COG6: variants seen among roughly 807,000 people sequenced by gnomAD.
COG6 encodes the protein component of oligomeric golgi complex 6, also known as conserved oligomeric Golgi complex subunit 6.
A neutral mutation model predicts 88.8 loss-of-function variants in COG6; 74 were observed. That is an observed-to-expected ratio of 0.83 (90% CI 0.69 to 1.01). The LOEUF (loss-of-function observed/expected upper bound fraction) is 1.01. Among genes scored for constraint, COG6 ranks in the 50% least tolerant of loss-of-function variants. COG6 has a pLI of 0.00. For missense variants in COG6, 800 were observed against 797.9 expected, an observed-to-expected ratio of 1.00 and a Z score of -0.03; for synonymous variants, 286 against 278.7, an observed-to-expected ratio of 1.03 and a Z score of -0.26.
intron 4 of COG6, among the ~76,000 whole-genome samples, chr13:39,665,554 T>G (rs1439684103): frequency 6.6e-6 from 1 of 152,238 alleles, no homozygotes; most frequent in Non-Finnish European, 1.5e-5. Flanking sequence ...TAAATTCTCC[T>G]TGTAGTTTAT....
chr13:39,730,280 A>G (rs1218237282), intron 18 of COG6, among the ~76,000 whole-genome samples: 2 of 152,102 alleles, frequency 1.3e-5, no homozygotes, highest in African/African-American at 4.8e-5. Flanking sequence ...AGAGTTTGAA[A>G]TTTCTTAGTA....
At chr13:39,763,784 CCTTTTTATATAT>C (rs1881090306) in intron 18 of COG6, among the ~76,000 whole-genome samples, 1 of 151,660 alleles carries the variant, frequency 6.6e-6, no homozygotes, top group Non-Finnish European at 1.5e-5. Flanking sequence ...AATGTACTAT[CCTTTTTATATAT>C]CTTTTTATTT....
chr13:39,764,663 T>C (rs546523671), intron 18 of COG6, among the ~76,000 whole-genome samples: 13 of 152,200 alleles, frequency 8.5e-5, no homozygotes, highest in African/African-American at 3.1e-4. Flanking sequence ...TTCAAACATA[T>C]GAATGTTTTC....
intron 8 of COG6, 132 bp downstream of exon 8, chr13:39,682,396 A>G (rs1183487634): frequency 1.6e-6 from 1 of 639,682 alleles, no homozygotes; most frequent in Admixed American, 2.7e-5. Context: ...AATACTGTTC[A>G]CCTTAACTTG....
intron 11 of COG6, among the ~76,000 whole-genome samples, chr13:39,690,244 G>A (rs925339883): frequency 2.0e-5 from 3 of 152,002 alleles, no homozygotes; most frequent in Non-Finnish European, 2.9e-5. Context: ...AAAATAATGT[G>A]TATTGGTATT....
intron 5 of COG6, chr13:39,678,137 G>A (rs534708107): frequency 4.7e-6 from 2 of 425,458 alleles, no homozygotes; most frequent in Non-Finnish European, 9.3e-6. Context: ...CACGAACACA[G>A]CTCACTGCAG....
intron 18 of COG6, among the ~76,000 whole-genome samples, chr13:39,739,165 A>T (rs1346803417): frequency 6.6e-6 from 1 of 152,168 alleles, no homozygotes; most frequent in African/African-American, 2.4e-5. Flanking sequence ...GAACGTAAGA[A>T]CTCAAACTAG....
At chr13:39,737,013 T>G (rs1879785034) in intron 18 of COG6, among the ~76,000 whole-genome samples, 1 of 152,246 alleles carries the variant, frequency 6.6e-6, no homozygotes. Context: ...CTTTGGTCAC[T>G]GCAGCCATAT....
intron 4 of COG6, among the ~76,000 whole-genome samples, chr13:39,674,225 C>T (rs996463867): frequency 1.3e-5 from 2 of 150,142 alleles, no homozygotes; most frequent in East Asian, 2.0e-4. Context: ...CCCTACCCCA[C>T]GACAGGCCCC....
intron 4 of COG6, among the ~76,000 whole-genome samples, chr13:39,673,963 T>C (rs1875806224): frequency 6.6e-6 from 1 of 152,034 alleles, no homozygotes; most frequent in Non-Finnish European, 1.5e-5. Context: ...ATTCTGTCTA[T>C]TTTATTAAAC....
In COG6 at chr13:39,719,382, C is replaced by T; in HGVS notation, c.1416+15C>T. 2 of 1,609,638 alleles carry T rather than the reference C, an allele frequency of 1.2e-6. No homozygotes were observed. The highest frequency in any genetic ancestry group is 2.2e-5 in the South Asian group (2 of 90,700). On this transcript the variant is annotated intron_variant, in intron 14 of 18. Transcript: ENST00000455146. ...ATTTTGTGCAGGTATGTTATAAATTCATTTTTAATGATTGTTTTTTGCTCT... is the reference window on the plus strand; with the variant it reads ...ATTTTGTGCAGGTATGTTATAAATTTATTTTTAATGATTGTTTTTTGCTCT...
chr13:39,676,160 C>T (rs959519539), intron 4 of COG6, among the ~76,000 whole-genome samples: 1 of 151,944 alleles, frequency 6.6e-6, no homozygotes, highest in African/African-American at 2.4e-5. Context: ...ACTCGTTGAC[C>T]AATCTCTTCC....
At chr13:39,659,742 T>A (rs1874777006) in intron 2 of COG6, among the ~76,000 whole-genome samples, 1 of 152,222 alleles carries the variant, frequency 6.6e-6, no homozygotes, top group Non-Finnish European at 1.5e-5. Flanking sequence ...TTCTAGAAGA[T>A]TATCTTAGGA....
At position 39,658,507 on chromosome 13, in the gene COG6, G is replaced by T. The variant is rs1246885596; in HGVS notation, c.154-857G>T. On this transcript the variant is annotated intron_variant, in intron 1 of 18. Transcript: ENST00000455146. ...GTCTAAGCCACTATCAAACCATACT[G>T]GGATTATTTTTGTTTTTTCTCTTAC... is the stretch of plus-strand genomic sequence containing the variant. 2.0e-5 allele frequency among the ~76,000 whole-genome samples: 3 copies of T among 151,944 alleles called. No individual in the cohort carries two copies. In the East Asian group the frequency reaches 5.8e-4, roughly 29 times the overall value.
At chr13:39,776,510 T>C (rs561092311) in intron 18 of COG6, among the ~76,000 whole-genome samples, 1 of 152,368 alleles carries the variant, frequency 6.6e-6, no homozygotes, top group South Asian at 2.1e-4. Context: ...TCCCCTTGCC[T>C]GGTAACGTTA....
intron 18 of COG6, among the ~76,000 whole-genome samples, chr13:39,734,941 C>T (rs536797481): frequency 6.6e-6 from 1 of 151,842 alleles, no homozygotes; most frequent in South Asian, 2.1e-4. Context: ...TGTTTGTTTC[C>T]ACTGGCATGG....
At chr13:39,786,789 A>G (rs1185872562) in intron 18 of COG6, among the ~76,000 whole-genome samples, 1 of 152,172 alleles carries the variant, frequency 6.6e-6, no homozygotes, top group East Asian at 1.9e-4. Context: ...GCTGAAATGA[A>G]GCAAAACTTT....
intron 18 of COG6, among the ~76,000 whole-genome samples, chr13:39,769,520 G>A (rs540787406): frequency 2.9e-4 from 44 of 152,316 alleles, no homozygotes; most frequent in Middle Eastern, 3.4e-3. Context: ...GGTTTATTGT[G>A]AGAACTAAAA....
intron 12 of COG6, among the ~76,000 whole-genome samples, chr13:39,697,341 C>T (rs983615000): frequency 2.0e-5 from 3 of 149,034 alleles, no homozygotes; most frequent in African/African-American, 4.9e-5. Flanking sequence ...AGAGGAGAAA[C>T]GACAAAACTG....
Sources: allele counts gnomAD v4.1 joint callset (sites outside exome capture counted in the v4.1 genomes callset), GRCh38; gene constraint gnomAD v4.1.1; transcripts MANE v1.5; gene names NCBI Gene and HGNC (gene_info 2026-07-23, HGNC 2026-07-21).